The following TRANK1 variants were observed in gnomAD, a reference collection of about 807,000 sequenced individuals.
TRANK1 encodes tetratricopeptide repeat and ankyrin repeat containing 1.
Under a neutral mutation model 266.0 loss-of-function variants are expected in TRANK1, and 198 were observed. The ratio of observed to expected loss-of-function variants is 0.74; its 90% CI spans 0.66 to 0.84. TRANK1 has a LOEUF of 0.84. TRANK1 is among the 40% of genes least tolerant of loss of function. TRANK1 has a pLI of 0.00. For missense variants in TRANK1, 3,326 were observed against 3,634.6 expected (o/e 0.92, Z 2.18); for synonymous variants, 1,396 against 1,384.1 (o/e 1.01, Z -0.19).
At position 36,856,922 on chromosome 3, in the gene TRANK1, TC is replaced by T. The variant is rs1173588716; in HGVS notation, c.2799del (p.Ile934SerfsTer13). On this transcript the variant is annotated frameshift_variant, in exon 13 of 24. Transcript: ENST00000645898. LOFTEE classifies it high-confidence loss of function. ...QNTCAMEKSG[R>X]IYTEIIRIWD... Reference sequence around the variant, plus strand: ...CAAATCCGGATGATTTCCGTGTAGATCCGCCCTGATTTCTCCATTGCACACG... The same window carrying T: ...CAAATCCGGATGATTTCCGTGTAGATCGCCCTGATTTCTCCATTGCACACG... The T allele has an allele frequency of 1.7e-5, 27 of 1,613,608 alleles. No individual in the cohort carries two copies. Among genetic ancestry groups the T allele is most frequent in the Non-Finnish European group, 2.3e-5 (27 of 1,179,804 alleles).
chr3:36,834,055 G>T, intron 21 of TRANK1, 136 bp from the exon 22 acceptor site: 1 of 838,320 alleles, frequency 1.2e-6, no homozygotes, highest in Non-Finnish European at 1.7e-6. Context: ...AACTTGTCAA[G>T]CATTCAAGTA....
chr3:36,831,785 T>A lies in TRANK1; in HGVS notation c.7798A>T (p.Ser2600Cys). 6.2e-7 allele frequency: 1 copy of A among 1,613,932 alleles called. No individual in the cohort carries two copies. Among genetic ancestry groups the A allele is most frequent in the Non-Finnish European group, 8.5e-7 (1 of 1,179,886 alleles). Reference protein sequence around the residue: ...REIESRLQLMSMDCPGQVPER... With the variant: ...REIESRLQLMCMDCPGQVPER... ...GGAACCTGGCCAGGGCAGTCCATGCTCATGAGCTGCAGCCTTGACTCAATC... is the reference window on the plus strand; with the variant it reads ...GGAACCTGGCCAGGGCAGTCCATGCACATGAGCTGCAGCCTTGACTCAATC... Residue 2600 changes from serine (S) to cysteine (C), a missense_variant, in exon 22 of 24, where the codon AGC (serine) becomes TGC (cysteine). By Grantham distance (112) the Ser-to-Cys change is moderately radical. Coordinates refer to ENST00000645898, the MANE Select transcript of TRANK1 (RefSeq NM_001329998.2). This position sits in a 1 kb window ranked among gnomAD's most constrained non-coding sequence, Gnocchi z 5.0.
chr3:36,853,978 A>G (rs2079017000), intron 13 of TRANK1, among the ~76,000 whole-genome samples: 1 of 152,222 alleles, frequency 6.6e-6, no homozygotes, highest in Non-Finnish European at 1.5e-5. Context: ...ACATTAAAAA[A>G]CACTAAACTG....
chr3:36,934,802 GAC>G (rs1189600474), intron 1 of TRANK1, among the ~76,000 whole-genome samples: 3 of 152,154 alleles, frequency 2.0e-5, no homozygotes, highest in Non-Finnish European at 4.4e-5. Context: ...ACAAGCCAAA[GAC>G]ACACAGTCAG....
chr3:36,918,692 C>T (rs1050705601), intron 1 of TRANK1, among the ~76,000 whole-genome samples: 15 of 142,150 alleles, frequency 1.1e-4, no homozygotes, highest in African/African-American at 3.8e-4. Flanking sequence ...AAAGAAACGC[C>T]AATGTAAACA....
At position 36,830,873 on chromosome 3, in the gene TRANK1, C is replaced by A; in HGVS notation, c.8710G>T (p.Ala2904Ser). 1.9e-6 allele frequency: 3 copies of A among 1,596,550 alleles called. No individual in the cohort carries two copies. Among genetic ancestry groups the A allele is most frequent in the Non-Finnish European group, 2.6e-6 (3 of 1,168,966 alleles). Residue 2904 changes from alanine (A) to serine (S), a missense_variant and splice_region_variant, in exon 22 of 24, where the codon GCG (alanine) becomes TCG (serine). By Grantham distance (99) the Ala-to-Ser change is moderately conservative. Transcript: ENST00000645898. ...GGCCCCCATCTCTGCAGACCCTTAC[C>A]GCCAGCCCAGGCCTTCCGCCTGTAG... ...DLYRRKAWAG[A>S]EEAMTRLVNI...
At chr3:36,836,483 G>A (rs1014328817) in intron 20 of TRANK1, among the ~76,000 whole-genome samples, 1 of 152,052 alleles carries the variant, frequency 6.6e-6, no homozygotes, top group Admixed American at 6.5e-5. Flanking sequence ...TAAGCCTAAA[G>A]TATATATATA....
chr3:36,938,368 G>A lies in TRANK1; in HGVS notation c.23+6419C>T, dbSNP rs181914420. Among the ~76,000 whole-genome samples the A allele has an allele frequency of 7.5e-3, 1,134 of 152,010 alleles. 6 individuals are homozygous for A. The highest frequency in any genetic ancestry group is 0.014 in the Middle Eastern group (4 of 294). ...TGAGTAGCTGGGATTACAGGCGCCC[G>A]CCACCATGCCCAGCTAATTTTTGTA... On this transcript the variant is annotated intron_variant, in intron 1 of 23. Coordinates refer to ENST00000645898, the MANE Select transcript of TRANK1 (RefSeq NM_001329998.2).
Position 36,889,835 on chromosome 3 carries a change from C to T in TRANK1, c.901G>A (p.Val301Ile), listed in dbSNP as rs537797548. Reference sequence around the variant, plus strand: ...GGGTAATGCCACTACTCACGCTTAACGAGGTATCCTGGGGAGTGGGCAGCG... The same window carrying T: ...GGGTAATGCCACTACTCACGCTTAATGAGGTATCCTGGGGAGTGGGCAGCG... ...VVAAHSPGYL[V>I]KRQTEDVQML... is the part of the protein sequence containing the mutation. Residue 301 changes from valine (V) to isoleucine (I), a missense_variant, in exon 8 of 24, where the codon GTT becomes ATT. Transcript: ENST00000645898. The T allele has an allele frequency of 5.5e-5, 84 of 1,535,938 alleles. No homozygotes were observed. In the Admixed American group the frequency reaches 8.7e-4, roughly 16 times the overall value.
intron 13 of TRANK1, among the ~76,000 whole-genome samples, chr3:36,854,100 C>A (rs1340348322): frequency 6.6e-6 from 1 of 152,196 alleles, no homozygotes; most frequent in Non-Finnish European, 1.5e-5. Context: ...AGGGCTCACG[C>A]CTGTAATCCC....
intron 8 of TRANK1, among the ~76,000 whole-genome samples, chr3:36,888,555 G>A (rs1217704260): frequency 6.6e-6 from 1 of 152,178 alleles, no homozygotes; most frequent in South Asian, 2.1e-4. Context: ...TAGGTTCCTA[G>A]GTCCCAGTTC....
At position 36,851,736 on chromosome 3, in the gene TRANK1, A is replaced by G. The variant is rs2078986713; in HGVS notation, c.4870T>C (p.Phe1624Leu). 1 of 1,612,574 alleles carries G rather than the reference A, an allele frequency of 6.2e-7. No individual in the cohort carries two copies. Among genetic ancestry groups the G allele is most frequent in the South Asian group, 1.1e-5 (1 of 90,638 alleles). ...TGACATACCTCAGAATCAGTAAAAA[A>G]GTTGTAAAGGAGGACATCATCAAAT... ...LEFDDVLLYN[F>L]FTDSEAYKEW... The change falls in exon 15 of 24, where the codon TTT (phenylalanine) becomes CTT (leucine). Residue 1624 changes from phenylalanine to leucine, a missense_variant. Coordinates refer to ENST00000645898, the MANE Select transcript of TRANK1 (RefSeq NM_001329998.2).
intron 1 of TRANK1, among the ~76,000 whole-genome samples, chr3:36,909,035 C>T (rs2080014758): frequency 6.6e-6 from 1 of 152,194 alleles, no homozygotes; most frequent in Non-Finnish European, 1.5e-5. Flanking sequence ...AGGTGAAGGC[C>T]TCAGTATGCA....
rs1232778061 is a variant in TRANK1 at position 36,852,310 on chromosome 3, G to A, written c.4585C>T (p.Leu1529Phe). ...LNLASGVVDL[L>F]QFYFPESFDR... Reference sequence around the variant, plus strand: ...AAAGATTCTGGGAAATAGAACTGAAGTAAATCCACCACTCCAGATGCCAGA... The same window carrying A: ...AAAGATTCTGGGAAATAGAACTGAAATAAATCCACCACTCCAGATGCCAGA... Residue 1529 changes from leucine (L) to phenylalanine (F), a missense_variant, in exon 14 of 24, where the codon CTT becomes TTT. Transcript: ENST00000645898. 1 of 1,600,866 alleles carries A rather than the reference G, an allele frequency of 6.2e-7. No individual in the cohort carries two copies. Among genetic ancestry groups the A allele is most frequent in the African/African-American group, 1.3e-5 (1 of 74,380 alleles).
At chr3:36,867,218 T>C (rs2079240294) in intron 9 of TRANK1, among the ~76,000 whole-genome samples, 2 of 151,442 alleles carry the variant, frequency 1.3e-5, no homozygotes, top group Admixed American at 1.3e-4. Flanking sequence ...ATAGGACCTT[T>C]GGTAAAAGAG....
chr3:36,857,116 C>A lies in TRANK1; in HGVS notation c.2606G>T (p.Gly869Val). ...IILAIQQLGN[G>V]EWTQGLQKRL... is the part of the protein sequence containing the mutation. ...CTTCTGCAGGCCCTGGGTCCACTCG[C>A]CATTTCCCAGCTGCTGAATGGCAAG... Residue 869 changes from glycine (G) to valine (V), a missense_variant, in exon 13 of 24, where the codon GGC becomes GTC. Gly to Val is a moderately radical substitution (Grantham distance 109, BLOSUM62 -3). Transcript: ENST00000645898. This position sits in a 1 kb window ranked among gnomAD's most constrained non-coding sequence, Gnocchi z 4.3. 1.2e-6 allele frequency: 2 copies of A among 1,614,020 alleles called. No homozygotes were observed. Among genetic ancestry groups the A allele is most frequent in the Non-Finnish European group, 1.7e-6 (2 of 1,179,890 alleles).
At chr3:36,836,914 C>T (rs940136667) in intron 20 of TRANK1, among the ~76,000 whole-genome samples, 2 of 152,228 alleles carry the variant, frequency 1.3e-5, no homozygotes, top group African/African-American at 4.8e-5. Context: ...AGATAATTAG[C>T]TTCATGTCAG....
intron 1 of TRANK1, among the ~76,000 whole-genome samples, chr3:36,922,357 G>A (rs1282039455): frequency 1.3e-5 from 2 of 152,112 alleles, no homozygotes; most frequent in Non-Finnish European, 2.9e-5. Context: ...TGTAATCCCA[G>A]CACTTTGGGA....
At chr3:36,862,593 C>T (rs112300529) in intron 10 of TRANK1, among the ~76,000 whole-genome samples, 14 of 152,318 alleles carry the variant, frequency 9.2e-5, no homozygotes, top group Admixed American at 5.9e-4. Context: ...TGATTTGGAC[C>T]TAAGCCAATC....
Sources: gnomAD v4.1 joint callset for allele counts (sites outside exome capture counted in the v4.1 genomes callset) on GRCh38, gnomAD v4.1.1 for gene constraint, Gnocchi (gnomAD v3.1) non-coding constraint, MANE v1.5 for transcripts, NCBI Gene and HGNC (gene_info 2026-07-23, HGNC 2026-07-21) for gene names.